The following ONECUT3 variants were observed in gnomAD, a reference collection of about 807,000 sequenced individuals.
The protein encoded by ONECUT3 is one cut homeobox 3.
In ONECUT3, 11 loss-of-function variants were observed where a neutral mutation model predicts 16.8. That is an observed-to-expected ratio of 0.66 (90% confidence interval 0.41 to 1.09). The LOEUF (loss-of-function observed/expected upper bound fraction) is 1.09. Ranked by LOEUF, ONECUT3 falls within the 50% of genes least tolerant of loss-of-function variation. The pLI, the probability that ONECUT3 is intolerant of heterozygous loss-of-function variation, is 0.00. For synonymous variants in ONECUT3, 344 were observed against 310.7 expected, an observed-to-expected ratio of 1.11 and a Z score of -1.13; for missense variants, 637 against 629.9, an observed-to-expected ratio of 1.01 and a Z score of -0.12.
Position 1,757,848 on chromosome 19 carries a change from TGC to T in ONECUT3, c.1192+2995_1192+2996del, listed in dbSNP as rs1409059455. On this transcript the variant is annotated intron_variant, in intron 1 of 1. Transcript: ENST00000382349. ...TAACACGGCGACGCCCCAACGCTGG[TGC>T]TCGGAAAGGGAACTCTGCCCCCGCC... 2.6e-5 allele frequency among the ~76,000 whole-genome samples: 4 copies of T among 152,054 alleles called. No homozygotes were observed. In the East Asian group the frequency reaches 7.8e-4, roughly 30 times the overall value.
At chr19:1,765,485 G>A (rs1004981274) in intron 1 of ONECUT3, among the ~76,000 whole-genome samples, 9 of 152,214 alleles carry the variant, frequency 5.9e-5, no homozygotes, top group African/African-American at 1.9e-4. Context: ...TGGACTCAGA[G>A]CGGAGCTGGC....
intron 1 of ONECUT3, among the ~76,000 whole-genome samples, chr19:1,767,619 G>T (rs1018920178): frequency 6.6e-6 from 1 of 152,226 alleles, no homozygotes; most frequent in Non-Finnish European, 1.5e-5. Flanking sequence ...GGGGACGGCT[G>T]CCCTCTGCTG....
chr19:1,775,138 G>T lies in ONECUT3; in HGVS notation c.1193-15G>T. On this transcript the variant is annotated splice_polypyrimidine_tract_variant and intron_variant, in intron 1 of 1. Transcript: ENST00000382349. ...CTGTGTCCCGCTCGCCCGCCCGCCCGCCGCTCGCCCGCAGCCTGCAAGCGC... is the reference window on the plus strand; with the variant it reads ...CTGTGTCCCGCTCGCCCGCCCGCCCTCCGCTCGCCCGCAGCCTGCAAGCGC... 1.4e-6 allele frequency: 1 copy of T among 730,538 alleles called. No homozygotes were observed. 45.3% of individuals were successfully genotyped at this position (730,538 alleles called of 1,614,324 possible).
rs547997191 is a variant in ONECUT3 at position 1,779,192 on chromosome 19, T to C, written c.*3747T>C. On this transcript the variant is annotated 3_prime_UTR_variant, in exon 2 of 2. Coordinates refer to ENST00000382349, the MANE Select transcript of ONECUT3 (RefSeq NM_001080488.2). ...TAGCTAGTTTTTGGAATACGTGACT[T>C]GAAGCTTTATACCGTTAAATTATAA... The C allele has an allele frequency of 4.7e-4, 71 of 152,348 alleles. No homozygotes were observed. The highest frequency in any genetic ancestry group is 1.7e-3 in the African/African-American group (70 of 41,574). The allele number at this position is 152,348 out of a possible 1,614,324, so 9.4% of individuals were successfully genotyped here.
intron 1 of ONECUT3, among the ~76,000 whole-genome samples, chr19:1,773,416 G>A (rs73517019): frequency 0.021 from 3,178 of 152,258 alleles, 115 homozygotes; most frequent in East Asian, 0.17. Context: ...TGAAGTGTGC[G>A]TCAGCTCACA....
rs1012493986 is a variant in ONECUT3 at position 1,754,106 on chromosome 19, G to A, written c.444G>A (p.Ala148=). 67 of 1,017,138 alleles carry A rather than the reference G, an allele frequency of 6.6e-5. No individual in the cohort carries two copies. The African/African-American group carries it at 1.0e-3, about 16-fold the overall frequency. The allele number at this position is 1,017,138 out of a possible 1,614,324, so 63.0% of individuals were successfully genotyped here. A position where few individuals can be genotyped will look rare whatever the true frequency, so the allele number is the denominator to read the frequency against. ...ATCCCCACGCGCACCCGCACCCGGC[G>A]GCCGCGCCGCCCCCGCCACCCCCGC... The part of the protein sequence containing the change: ...GGHPHAHPHP[A]AAPPPPPPPQ... The change falls in exon 1 of 2, where the codon GCG becomes GCA. Residue 148 remains alanine, a synonymous_variant. Coordinates refer to ENST00000382349, the MANE Select transcript of ONECUT3 (RefSeq NM_001080488.2). This position sits in a 1 kb window ranked among gnomAD's most constrained non-coding sequence, Gnocchi z 7.4.
In ONECUT3 at chr19:1,754,583, G is replaced by C; in HGVS notation, c.921G>C (p.Gly307=). 1 of 1,250,420 alleles carries C rather than the reference G, an allele frequency of 8.0e-7. No individual in the cohort carries two copies. Among genetic ancestry groups the C allele is most frequent in the Non-Finnish European group, 1.0e-6 (1 of 989,100 alleles). 77.5% of individuals were successfully genotyped at this position (1,250,420 alleles called of 1,614,324 possible). Residue 307 remains glycine (G), a synonymous_variant, in exon 1 of 2, where the codon GGG becomes GGC. Coordinates refer to ENST00000382349, the MANE Select transcript of ONECUT3 (RefSeq NM_001080488.2). The surrounding 1 kb of genome is among the most constrained non-coding windows in gnomAD (Gnocchi z 7.4). ...ACGGGGGAGGCGGCGGCCCCGGCGG[G>C]AGCGGCGGCGGCCCCAGCGCGGGCG... is the stretch of plus-strand genomic sequence containing the variant. The part of the protein sequence containing the change: ...GPHGGGGGPG[G]SGGGPSAGAA...
chr19:1,775,527 G>A lies in ONECUT3; in HGVS notation c.*82G>A. 5 of 1,366,594 alleles carry A rather than the reference G, an allele frequency of 3.7e-6. No individual in the cohort carries two copies. Among genetic ancestry groups the A allele is most frequent in the Non-Finnish European group, 3.8e-6 (4 of 1,058,460 alleles). 84.7% of individuals were successfully genotyped at this position (1,366,594 alleles called of 1,614,324 possible). A position where few individuals can be genotyped will look rare whatever the true frequency, so the allele number is the denominator to read the frequency against. Reference sequence around the variant, plus strand: ...TCACCTCCCCACATCCTGCCGGCCCGGAGACCCGCCCCCAGGGGGCACCTG... The same window carrying A: ...TCACCTCCCCACATCCTGCCGGCCCAGAGACCCGCCCCCAGGGGGCACCTG... On this transcript the variant is annotated 3_prime_UTR_variant, in exon 2 of 2. Coordinates refer to ENST00000382349, the MANE Select transcript of ONECUT3 (RefSeq NM_001080488.2).
intron 1 of ONECUT3, among the ~76,000 whole-genome samples, chr19:1,772,509 A>G (rs1057391016): frequency 6.6e-5 from 10 of 151,488 alleles, no homozygotes; most frequent in Non-Finnish European, 1.5e-5. Flanking sequence ...CTGGAAACTC[A>G]TCTTTCAACG....
chr19:1,760,754 G>A (rs891459750), intron 1 of ONECUT3, among the ~76,000 whole-genome samples: 2 of 151,984 alleles, frequency 1.3e-5, no homozygotes, highest in African/African-American at 2.4e-5. Context: ...CCCTCCCAAC[G>A]CCAGCCTCGG....
At chr19:1,757,348 T>C (rs1323405477) in intron 1 of ONECUT3, among the ~76,000 whole-genome samples, 1 of 152,224 alleles carries the variant, frequency 6.6e-6, no homozygotes, top group Non-Finnish European at 1.5e-5. Flanking sequence ...TCCTGACTTG[T>C]GACAATGACA....
At chr19:1,763,374 A>ATAAAAAAAT (rs2067957507) in intron 1 of ONECUT3, among the ~76,000 whole-genome samples, 1 of 117,012 alleles carries the variant, frequency 8.5e-6, no homozygotes, top group Admixed American at 8.2e-5. Context: ...CTCAAAAAAA[A>ATAAAAAAAT]AAAAAAAAAA....
chr19:1,753,847 G>GCGGCGT lies in ONECUT3; in HGVS notation c.185_186insCGGCGT (p.Gly63_Gly64insValGly). ...CTGGACGGCGGCGGCGGCGGCGGCG[G>GCGGCGT]TGGGGGCGCCGGGGGCGCGGGCGGC... On this transcript the variant is annotated inframe_insertion, in exon 1 of 2. Coordinates refer to ENST00000382349, the MANE Select transcript of ONECUT3 (RefSeq NM_001080488.2). 2.1e-6 allele frequency: 2 copies of GCGGCGT among 973,056 alleles called. No individual in the cohort carries two copies. The highest frequency in any genetic ancestry group is 2.4e-6 in the Non-Finnish European group (2 of 821,736). 60.3% of individuals were successfully genotyped at this position (973,056 alleles called of 1,614,324 possible).
rs1349655405 is a variant in ONECUT3 at position 1,775,688 on chromosome 19, C to CA, written c.*243_*244insA. On this transcript the variant is annotated 3_prime_UTR_variant, in exon 2 of 2. Transcript: ENST00000382349. Reference sequence around the variant, plus strand: ...GGCCAAAGGAAGCCCTCCACCCCCCCCCGGAGGGGAGGGAGTGACAGAAAG... The same window carrying CA: ...GGCCAAAGGAAGCCCTCCACCCCCCCACCGGAGGGGAGGGAGTGACAGAAAG... 2.6e-6 allele frequency: 1 copy of CA among 391,128 alleles called. No homozygotes were observed. The highest frequency in any genetic ancestry group is 4.5e-6 in the Non-Finnish European group (1 of 220,280). The allele number at this position is 391,128 out of a possible 1,614,324, so 24.2% of individuals were successfully genotyped here.
Position 1,754,655 on chromosome 19 carries a change from G to C in ONECUT3, c.993G>C (p.Thr331=), listed in dbSNP as rs766367679. Residue 331 remains threonine (T), a synonymous_variant, in exon 1 of 2, where the codon ACG becomes ACC. Transcript: ENST00000382349. This position sits in a 1 kb window ranked among gnomAD's most constrained non-coding sequence, Gnocchi z 7.4. ...INTKEVAQRI[T]AELKRYSIPQ... ...CCAAGGAGGTGGCGCAGCGCATCAC[G>C]GCGGAGCTGAAGCGCTACAGCATCC... The C allele has an allele frequency of 4.7e-5, 71 of 1,515,430 alleles. No homozygotes were observed. Among genetic ancestry groups the C allele is most frequent in the Admixed American group, 6.3e-5 (3 of 47,474 alleles). The allele number at this position is 1,515,430 out of a possible 1,614,324, so 93.9% of individuals were successfully genotyped here.
At chr19:1,760,371 GACGA>G (rs1350456215) in intron 1 of ONECUT3, among the ~76,000 whole-genome samples, 1 of 150,006 alleles carries the variant, frequency 6.7e-6, no homozygotes, top group Admixed American at 6.6e-5. Context: ...GACGCTTCGG[GACGA>G]AGTCTTGGAG....
chr19:1,779,885 C>T lies in ONECUT3; in HGVS notation c.*4440C>T, dbSNP rs1383575216. The T allele has an allele frequency of 1.3e-5, 2 of 152,128 alleles. No individual in the cohort carries two copies. The highest frequency in any genetic ancestry group is 1.9e-4 in the East Asian group (1 of 5,178). 9.4% of individuals were successfully genotyped at this position (152,128 alleles called of 1,614,324 possible). A position where few individuals can be genotyped will look rare whatever the true frequency, so the allele number is the denominator to read the frequency against. The stretch of plus-strand genomic sequence containing the variant: ...CTCCACCTGCCTGTCCATCTCCACC[C>T]GAGATGCCACCTGCCTGCCCCAGCC... On this transcript the variant is annotated 3_prime_UTR_variant, in exon 2 of 2. Transcript: ENST00000382349.
At position 1,778,891 on chromosome 19, in the gene ONECUT3, C is replaced by T. The variant is rs191107823; in HGVS notation, c.*3446C>T. 33 of 150,908 alleles carry T rather than the reference C, an allele frequency of 2.2e-4. No individual in the cohort carries two copies. The highest frequency in any genetic ancestry group is 1.4e-3 in the East Asian group (7 of 5,038). The allele number at this position is 150,908 out of a possible 1,614,324, so 9.3% of individuals were successfully genotyped here. On this transcript the variant is annotated 3_prime_UTR_variant, in exon 2 of 2. Coordinates refer to ENST00000382349, the MANE Select transcript of ONECUT3 (RefSeq NM_001080488.2). ...TCACACACACACACACACACACACA[C>T]ACACACACACACACACACACACCCC...
chr19:1,777,444 GCACACAGAGA>G lies in ONECUT3; in HGVS notation c.*2006_*2015del, dbSNP rs1436949706. 2.4e-5 allele frequency: 2 copies of G among 83,790 alleles called. No individual in the cohort carries two copies. Among genetic ancestry groups the G allele is most frequent in the Admixed American group, 2.0e-4 (2 of 9,976 alleles). The allele number at this position is 83,790 out of a possible 1,614,324, so 5.2% of individuals were successfully genotyped here. On this transcript the variant is annotated 3_prime_UTR_variant, in exon 2 of 2. Coordinates refer to ENST00000382349, the MANE Select transcript of ONECUT3 (RefSeq NM_001080488.2). ...GACACGCATGCAGGCACACGCAGAC[GCACACAGAGA>G]CACACATGCAGATACACATGCACAC... is the stretch of plus-strand genomic sequence containing the variant.
Sources: gnomAD v4.1 joint callset for allele counts (sites outside exome capture counted in the v4.1 genomes callset) on GRCh38, gnomAD v4.1.1 for gene constraint, Gnocchi (gnomAD v3.1) non-coding constraint, MANE v1.5 for transcripts, NCBI Gene and HGNC (gene_info 2026-07-23, HGNC 2026-07-21) for gene names.